Variants in KIF21A observed in about 807,000 individuals in gnomAD.
The protein encoded by KIF21A is kinesin family member 21A, also known as kinesin-like protein KIF21A.
KIF21A carries 114 observed loss-of-function variants against 202.9 expected under a neutral mutation model. The observed-to-expected ratio is 0.56, with a 90% CI of 0.48 to 0.66. The LOEUF is 0.66. Ranked by LOEUF, KIF21A falls within the 30% of genes least tolerant of loss-of-function variation. The pLI, the probability that KIF21A is intolerant of heterozygous loss-of-function variation, is 0.00. For synonymous variants in KIF21A, 667 were observed against 670.8 expected (o/e 0.99, Z 0.09); for missense variants, 1,677 against 1,994.9 (o/e 0.84, Z 3.04).
intron 34 of KIF21A, among the ~76,000 whole-genome samples, chr12:39,306,416 A>G (rs908103693): frequency 2.0e-5 from 3 of 152,178 alleles, no homozygotes; most frequent in Non-Finnish European, 4.4e-5. Flanking sequence ...TTTTCTTAAA[A>G]AAGTACTGTT....
At chr12:39,367,322 A>T in intron 4 of KIF21A, 158 bp from the exon 5 acceptor site, 1 of 721,066 alleles carries the variant, frequency 1.4e-6, no homozygotes, top group Non-Finnish European at 2.4e-6. Context: ...TTTGAGATGG[A>T]CTTCTCAGTA....
At chr12:39,350,299 T>G (rs1948258284) in intron 11 of KIF21A, among the ~76,000 whole-genome samples, 1 of 152,178 alleles carries the variant, frequency 6.6e-6, no homozygotes, top group Admixed American at 6.6e-5. Flanking sequence ...GGGATCCTTA[T>G]TTATTTTTCA....
chr12:39,375,299 G>C (rs1028818267), intron 1 of KIF21A, among the ~76,000 whole-genome samples: 1 of 152,128 alleles, frequency 6.6e-6, no homozygotes, highest in African/African-American at 2.4e-5. Flanking sequence ...ATGAAACTTA[G>C]CAAAACTGAG....
Position 39,373,226 on chromosome 12 carries a change from T to C in KIF21A, c.45-2965A>G, listed in dbSNP as rs541285075. Reference sequence around the variant, plus strand: ...CTTTGCATTAAAGGATTTTCACTAGTAGCCGTGGTGATGGTTTATTTTAGG... The same window carrying C: ...CTTTGCATTAAAGGATTTTCACTAGCAGCCGTGGTGATGGTTTATTTTAGG... On this transcript the variant is annotated intron_variant, in intron 1 of 37. Transcript: ENST00000361418. Among the ~76,000 whole-genome samples, 13 of 152,328 alleles carry C rather than the reference T, an allele frequency of 8.5e-5. No homozygotes were observed. The East Asian group carries it at 2.1e-3, about 25-fold the overall frequency.
At chr12:39,383,734 G>C (rs1471444838) in intron 1 of KIF21A, among the ~76,000 whole-genome samples, 2 of 152,132 alleles carry the variant, frequency 1.3e-5, no homozygotes, top group African/African-American at 4.8e-5. Context: ...AGGAGTTCAA[G>C]GCTGCAGTGA....
Position 39,333,090 on chromosome 12 carries a change from C to A in KIF21A, c.2505G>T (p.Arg835=). 1 of 1,613,906 alleles carries A rather than the reference C, an allele frequency of 6.2e-7. No homozygotes were observed. The highest frequency in any genetic ancestry group is 2.2e-5 in the East Asian group (1 of 44,884). ...RKTEEVTALR[R]QVRPMSDKVA... is the part of the protein sequence containing the mutation. Reference sequence around the variant, plus strand: ...CTTTATCTGACATGGGTCTTACTTGCCGACGAAGAGCCGTAACCTGAAATT... The same window carrying A: ...CTTTATCTGACATGGGTCTTACTTGACGACGAAGAGCCGTAACCTGAAATT... Residue 835 remains arginine, a synonymous_variant, in exon 19 of 38, where the codon CGG becomes CGT. Transcript: ENST00000361418.
At chr12:39,427,562 T>C (rs1295475015) in intron 1 of KIF21A, among the ~76,000 whole-genome samples, 1 of 152,214 alleles carries the variant, frequency 6.6e-6, no homozygotes, top group African/African-American at 2.4e-5. Context: ...TTTAAAATAT[T>C]CAATAGTAAA....
intron 6 of KIF21A, among the ~76,000 whole-genome samples, chr12:39,364,423 T>C (rs1321960124): frequency 6.6e-6 from 1 of 152,156 alleles, no homozygotes; most frequent in Non-Finnish European, 1.5e-5. Flanking sequence ...CCACCATGAT[T>C]ATATCTCCTA....
At chr12:39,382,540 G>GA (rs1285844070) in intron 1 of KIF21A, among the ~76,000 whole-genome samples, 1 of 151,956 alleles carries the variant, frequency 6.6e-6, no homozygotes, top group Non-Finnish European at 1.5e-5. Flanking sequence ...ATTTAATTTA[G>GA]AAAAAAATAA....
At chr12:39,433,381 G>A (rs1370906086) in intron 1 of KIF21A, among the ~76,000 whole-genome samples, 5 of 151,980 alleles carry the variant, frequency 3.3e-5, no homozygotes, top group African/African-American at 1.2e-4. Context: ...TATCAAAAAA[G>A]TTAATGTATA....
chr12:39,324,109 C>CA (rs200814971), intron 26 of KIF21A, among the ~76,000 whole-genome samples: 2,921 of 139,686 alleles, frequency 0.021, 34 homozygotes, highest in Non-Finnish European at 0.025. Context: ...GACTCTGCCT[C>CA]AAAAAAAAAA....
At chr12:39,368,211 C>T (rs1949728775) in intron 3 of KIF21A, among the ~76,000 whole-genome samples, 179 bp from the exon 4 acceptor site, 1 of 151,870 alleles carries the variant, frequency 6.6e-6, no homozygotes, top group African/African-American at 2.4e-5. Context: ...TAAGTAAATG[C>T]CAGATTTATT....
At chr12:39,354,019 C>A (rs2138743168) in intron 10 of KIF21A, among the ~76,000 whole-genome samples, 1 of 152,206 alleles carries the variant, frequency 6.6e-6, no homozygotes, top group East Asian at 1.9e-4. Flanking sequence ...TTCATTGGAT[C>A]TTGGACCATC....
Position 39,294,381 on chromosome 12 carries a change from G to A in KIF21A, c.*43C>T. 7.2e-7 allele frequency: 1 copy of A among 1,388,008 alleles called. No individual in the cohort carries two copies. Among genetic ancestry groups the A allele is most frequent in the African/African-American group, 1.4e-5 (1 of 70,740 alleles). The allele number at this position is 1,388,008 out of a possible 1,614,324, so 86.0% of individuals were successfully genotyped here. On this transcript the variant is annotated 3_prime_UTR_variant, in exon 38 of 38. Transcript: ENST00000361418. ...CAACATTTTCCATAAAGAATACAGA[G>A]TATTATCACAGCATTCAGTTTACAA...
Position 39,331,700 on chromosome 12 carries a change from C to A in KIF21A, c.3143G>T (p.Gly1048Val). 1 of 1,608,346 alleles carries A rather than the reference C, an allele frequency of 6.2e-7. No individual in the cohort carries two copies. The highest frequency in any genetic ancestry group is 8.5e-7 in the Non-Finnish European group (1 of 1,174,820). Residue 1048 changes from glycine to valine, a missense_variant, in exon 22 of 38, where the codon GGC becomes GTC. Gly to Val is a moderately radical substitution (Grantham distance 109). Coordinates refer to ENST00000361418, the MANE Select transcript of KIF21A (RefSeq NM_001173464.2). ...GTGGTTGTATCTTACCTTATTGATG[C>A]CCATTGACAGGAAGTGATCTAGCAG... is the stretch of plus-strand genomic sequence containing the variant. The part of the protein sequence containing the change: ...RYLLDHFLSM[G>V]INKGLQAAQK...
chr12:39,331,906 G>C, intron 21 of KIF21A, 115 bp from the exon 22 acceptor site: 1 of 823,106 alleles, frequency 1.2e-6, no homozygotes, highest in South Asian at 1.4e-5. Context: ...GAGATGCTCA[G>C]ATAAGTGCAA....
At chr12:39,415,140 T>G (rs952443380) in intron 1 of KIF21A, among the ~76,000 whole-genome samples, 1 of 151,840 alleles carries the variant, frequency 6.6e-6, no homozygotes, top group African/African-American at 2.4e-5. Flanking sequence ...TCCTGGCCTT[T>G]CCTTAAGTCA....
intron 1 of KIF21A, among the ~76,000 whole-genome samples, chr12:39,371,251 A>T (rs1225085083): frequency 6.6e-6 from 1 of 152,176 alleles, no homozygotes; most frequent in African/African-American, 2.4e-5. Context: ...GCAGAATTTT[A>T]AAAAGAAATA....
At chr12:39,423,927 T>C (rs1262576818) in intron 1 of KIF21A, among the ~76,000 whole-genome samples, 1 of 131,108 alleles carries the variant, frequency 7.6e-6, no homozygotes, top group African/African-American at 3.0e-5. Flanking sequence ...GAGGTTGCAG[T>C]GAGCCGAGAT....
Sources: gnomAD v4.1 joint callset for allele counts (sites outside exome capture counted in the v4.1 genomes callset) on GRCh38, gnomAD v4.1.1 for gene constraint, MANE v1.5 for transcripts, NCBI Gene and HGNC (gene_info 2026-07-23, HGNC 2026-07-21) for gene names.